NRXN3: variants seen among roughly 807,000 people sequenced by gnomAD.
The protein encoded by NRXN3 is neurexin 3.
A neutral mutation model predicts 137.6 loss-of-function variants in NRXN3; 32 were observed. The ratio of observed to expected loss-of-function variants is 0.23; its 90% confidence interval spans 0.18 to 0.31. NRXN3 has a LOEUF of 0.31. Ranked by LOEUF, NRXN3 falls within the 10% of genes least tolerant of loss-of-function variation. NRXN3 has a pLI of 1.00. For synonymous variants in NRXN3, 798 were observed against 784.5 expected, an observed-to-expected ratio of 1.02 and a Z score of -0.29; for missense variants, 1,574 against 2,062.5, an observed-to-expected ratio of 0.76 and a Z score of 4.59.
intron 2 of NRXN3, among the ~76,000 whole-genome samples, chr14:78,253,108 C>T (rs1211111142): frequency 6.6e-6 from 1 of 152,182 alleles, no homozygotes; most frequent in Non-Finnish European, 1.5e-5. Context: ...AATCCTCCCA[C>T]AGTATGTTTG....
intron 15 of NRXN3, among the ~76,000 whole-genome samples, chr14:79,271,257 A>T (rs1259541533): frequency 6.6e-6 from 1 of 152,224 alleles, no homozygotes; most frequent in African/African-American, 2.4e-5. Flanking sequence ...CTATGCCATT[A>T]TTAAACTTTT....
intron 4 of NRXN3, among the ~76,000 whole-genome samples, chr14:78,512,786 C>A (rs1042649176): frequency 1.3e-4 from 20 of 152,112 alleles, no homozygotes; most frequent in Admixed American, 1.2e-3. Context: ...AAAAAAGGAA[C>A]CTGCAGGCGA....
intron 16 of NRXN3, among the ~76,000 whole-genome samples, chr14:79,650,480 T>G (rs1181588702): frequency 6.6e-6 from 1 of 152,176 alleles, no homozygotes; most frequent in African/African-American, 2.4e-5. Context: ...GCAATGTGAC[T>G]TTGTCTTACG....
intron 15 of NRXN3, among the ~76,000 whole-genome samples, chr14:79,254,275 A>G (rs369249500): frequency 1.3e-5 from 2 of 152,138 alleles, no homozygotes; most frequent in African/African-American, 4.8e-5. Flanking sequence ...CAAACCAAGA[A>G]TATTCTGATA....
chr14:79,209,189 C>G (rs1356641790), intron 15 of NRXN3, among the ~76,000 whole-genome samples: 2 of 152,290 alleles, frequency 1.3e-5, no homozygotes, highest in East Asian at 3.9e-4. Context: ...CTACCTGACT[C>G]TGCCTCCCAA....
chr14:78,461,459 C>T (rs748533656), intron 4 of NRXN3, among the ~76,000 whole-genome samples: 1 of 151,922 alleles, frequency 6.6e-6, no homozygotes, highest in East Asian at 1.9e-4. Flanking sequence ...TGCAAAGATG[C>T]CTTGGATGAA....
At chr14:79,345,486 A>G (rs1407035503) in intron 15 of NRXN3, among the ~76,000 whole-genome samples, 1 of 152,170 alleles carries the variant, frequency 6.6e-6, no homozygotes, top group East Asian at 1.9e-4. Flanking sequence ...CAGACTAATA[A>G]GAATTAGATT....
In NRXN3 at chr14:78,639,572, T is replaced by C. The variant is rs116573477; in HGVS notation, c.758-5548T>C. ...TGGAAAGAAAGTCAACCTACTCCCC[T>C]ACTTGCCTGCTTTGTTTCCTGCTGC... On this transcript the variant is annotated intron_variant, in intron 4 of 20. Transcript: ENST00000335750. Among the ~76,000 whole-genome samples, 1,354 of 152,328 alleles carry C rather than the reference T, an allele frequency of 8.9e-3. 21 individuals carry two copies. The highest frequency in any genetic ancestry group is 0.031 in the African/African-American group (1,270 of 41,560).
At chr14:79,222,304 G>A (rs1240837276) in intron 15 of NRXN3, among the ~76,000 whole-genome samples, 1 of 152,162 alleles carries the variant, frequency 6.6e-6, no homozygotes, top group Non-Finnish European at 1.5e-5. Flanking sequence ...TTCAATGGTA[G>A]CTTGATGGGG....
At chr14:78,385,770 C>T (rs528395695) in intron 4 of NRXN3, among the ~76,000 whole-genome samples, 1 of 152,322 alleles carries the variant, frequency 6.6e-6, no homozygotes, top group African/African-American at 2.4e-5. Context: ...TGGACCTTCT[C>T]ACAAGGTTTA....
intron 15 of NRXN3, among the ~76,000 whole-genome samples, chr14:79,016,187 G>A (rs940597798): frequency 6.6e-6 from 1 of 152,118 alleles, no homozygotes; most frequent in South Asian, 2.1e-4. Context: ...AAATGTTTAT[G>A]TTATTATACA....
chr14:78,781,272 A>G (rs540853215), intron 8 of NRXN3, among the ~76,000 whole-genome samples: 2 of 152,218 alleles, frequency 1.3e-5, no homozygotes, highest in Non-Finnish European at 2.9e-5. Context: ...ATGCATGGAC[A>G]TGACGAATGT....
chr14:78,631,562 A>C (rs2097523334), intron 4 of NRXN3, among the ~76,000 whole-genome samples: 1 of 152,226 alleles, frequency 6.6e-6, no homozygotes, highest in South Asian at 2.1e-4. Context: ...ATCCATCACA[A>C]ATGTCTTTAC....
intron 8 of NRXN3, among the ~76,000 whole-genome samples, chr14:78,762,809 C>G (rs750396451): frequency 2.4e-4 from 36 of 152,192 alleles, no homozygotes; most frequent in Non-Finnish European, 4.4e-4. Flanking sequence ...AGTAAGTGCT[C>G]CATCAGAGGC....
chr14:79,515,666 C>T (rs969957397), intron 16 of NRXN3, among the ~76,000 whole-genome samples: 2 of 152,004 alleles, frequency 1.3e-5, no homozygotes, highest in Non-Finnish European at 2.9e-5. Context: ...TCTTTTTCTT[C>T]TTATTTTGAT....
At chr14:78,829,970 C>T (rs552018686) in intron 10 of NRXN3, among the ~76,000 whole-genome samples, 55 of 152,152 alleles carry the variant, frequency 3.6e-4, no homozygotes, top group Non-Finnish European at 7.1e-4. Context: ...ATTCTGTGCT[C>T]TGTTAAGAAT....
chr14:78,844,620 C>T (rs375905555), intron 10 of NRXN3, among the ~76,000 whole-genome samples: 2 of 152,042 alleles, frequency 1.3e-5, no homozygotes, highest in African/African-American at 4.8e-5. Context: ...AGTTACCTAA[C>T]CCAGTTCTTA....
At position 79,664,122 on chromosome 14, in the gene NRXN3, G is replaced by A. The variant is rs529390316; in HGVS notation, c.3616+173G>A. ...CTCTTTAGGACTTGATCCAGTATAG[G>A]GAGCTTCTGGAGACTTTACCAACTA... On this transcript the variant is annotated intron_variant, in intron 17 of 20. Coordinates refer to ENST00000335750, the MANE Select transcript of NRXN3 (RefSeq NM_001330195.2). Among the ~76,000 whole-genome samples the A allele has an allele frequency of 2.0e-5, 3 of 152,198 alleles. No homozygotes were observed. The South Asian group carries it at 6.2e-4, about 32-fold the overall frequency.
At chr14:78,506,096 G>A (rs983323504) in intron 4 of NRXN3, among the ~76,000 whole-genome samples, 2 of 152,060 alleles carry the variant, frequency 1.3e-5, no homozygotes, top group African/African-American at 4.8e-5. Flanking sequence ...TATTCATTGA[G>A]CCTATATCCA....
Sources: allele counts gnomAD v4.1 joint callset (sites outside exome capture counted in the v4.1 genomes callset), GRCh38; gene constraint gnomAD v4.1.1; transcripts MANE v1.5; gene names NCBI Gene and HGNC (gene_info 2026-07-23, HGNC 2026-07-21).